The following TRIM66 variants were observed in gnomAD, a reference collection of about 807,000 sequenced individuals.
TRIM66 encodes the protein tripartite motif-containing protein 66.
In TRIM66, 99 loss-of-function variants were observed where a neutral mutation model predicts 148.2. The ratio of observed to expected loss-of-function variants is 0.67; its 90% confidence interval spans 0.57 to 0.79. The LOEUF (loss-of-function observed/expected upper bound fraction) is 0.79, where lower values mean the gene tolerates loss of function less well. Ranked by LOEUF, TRIM66 falls within the 30% of genes least tolerant of loss-of-function variation. The pLI is 0.00. For synonymous variants in TRIM66, 616 were observed against 635.9 expected, an observed-to-expected ratio of 0.97 and a Z score of 0.47; for missense variants, 1,666 against 1,697.9, an observed-to-expected ratio of 0.98 and a Z score of 0.33.
chr11:8,638,288 C>T (rs1277690677), intron 15 of TRIM66, among the ~76,000 whole-genome samples: 1 of 152,232 alleles, frequency 6.6e-6, no homozygotes, highest in African/African-American at 2.4e-5. Flanking sequence ...GTTTCCTTAG[C>T]TGTACAATGG....
chr11:8,620,128 CA>C lies in TRIM66; in HGVS notation c.3673-5del. The C allele has an allele frequency of 6.4e-7, 1 of 1,551,578 alleles. No homozygotes were observed. On this transcript the variant is annotated splice_region_variant and splice_polypyrimidine_tract_variant and intron_variant, in intron 21 of 24. Coordinates refer to ENST00000646038, the MANE Select transcript of TRIM66 (RefSeq NM_001388022.1). Reference sequence around the variant, plus strand: ...ACAATACCAGCTTCTCACACTTCTGCAAAATCAGAATTGGCAACAGAGTCAC... The same window carrying C: ...ACAATACCAGCTTCTCACACTTCTGCAAATCAGAATTGGCAACAGAGTCAC...
chr11:8,623,444 A>C (rs2034501305), intron 17 of TRIM66, among the ~76,000 whole-genome samples: 1 of 152,270 alleles, frequency 6.6e-6, no homozygotes, highest in African/African-American at 2.4e-5. Context: ...GCAGGGTCTA[A>C]AAAGTTTAAC....
intron 14 of TRIM66, 97 bp from the exon 15 acceptor site, chr11:8,638,912 A>C (rs1165339627): frequency 7.8e-7 from 1 of 1,290,214 alleles, no homozygotes; most frequent in African/African-American, 1.5e-5. Context: ...TGCCATGTGC[A>C]TCATCACCAC....
chr11:8,625,231 G>A lies in TRIM66; in HGVS notation c.2311-3C>T, dbSNP rs1416924579. The A allele has an allele frequency of 6.7e-7, 1 of 1,492,112 alleles. No individual in the cohort carries two copies. Among genetic ancestry groups the A allele is most frequent in the East Asian group, 2.5e-5 (1 of 40,354 alleles). The allele number at this position is 1,492,112 out of a possible 1,614,324, so 92.4% of individuals were successfully genotyped here. On this transcript the variant is annotated splice_polypyrimidine_tract_variant and splice_region_variant and intron_variant, in intron 15 of 24. Coordinates refer to ENST00000646038, the MANE Select transcript of TRIM66 (RefSeq NM_001388022.1). Reference sequence around the variant, plus strand: ...ATGATGCTCAGCGAGGTGGAGTGCTGCAGGAACAGAGACAAGGGGTAGAGT... The same window carrying A: ...ATGATGCTCAGCGAGGTGGAGTGCTACAGGAACAGAGACAAGGGGTAGAGT...
chr11:8,661,212 C>G (rs1450394919), intron 6 of TRIM66, among the ~76,000 whole-genome samples: 1 of 152,218 alleles, frequency 6.6e-6, no homozygotes, highest in East Asian at 1.9e-4. Flanking sequence ...AGCCAGACAG[C>G]CGGCCTGAGC....
chr11:8,630,270 C>T (rs1215208854), intron 15 of TRIM66, among the ~76,000 whole-genome samples: 1 of 152,044 alleles, frequency 6.6e-6, no homozygotes, highest in African/African-American at 2.4e-5. Flanking sequence ...TTGGTGCCAC[C>T]CATGCAGAAG....
At chr11:8,682,709 G>T (rs1421718879), upstream of TRIM66, 1 of 1,420,976 alleles carries the variant, frequency 7.0e-7, no homozygotes, top group African/African-American at 1.4e-5. Flanking sequence ...GGCCCCGCCC[G>T]AAGCCCGGCC....
chr11:8,674,571 G>C (rs901476853), intron 4 of TRIM66, among the ~76,000 whole-genome samples: 1 of 151,924 alleles, frequency 6.6e-6, no homozygotes. Flanking sequence ...TATTTTTGTA[G>C]AGACCAGGTC....
At chr11:8,620,716 G>A (rs2141825806) in intron 20 of TRIM66, 144 bp from the exon 21 acceptor site, 5 of 1,364,042 alleles carry the variant, frequency 3.7e-6, no homozygotes, top group Non-Finnish European at 4.9e-6. Context: ...AGGCTTGGAA[G>A]AAATTCAATA....
Position 8,672,287 on chromosome 11 carries a change from A to T in TRIM66, c.-13T>A. Reference sequence around the variant, plus strand: ...AGAGTCTAGCCATCTCTGCCGTGGAAAACAAAGCGTGGAGGTGTCTGCTGT... The same window carrying T: ...AGAGTCTAGCCATCTCTGCCGTGGATAACAAAGCGTGGAGGTGTCTGCTGT... On this transcript the variant is annotated 5_prime_UTR_variant, in exon 5 of 25. Transcript: ENST00000646038. 6.5e-7 allele frequency: 1 copy of T among 1,536,148 alleles called. No homozygotes were observed. Among genetic ancestry groups the T allele is most frequent in the Non-Finnish European group, 8.7e-7 (1 of 1,146,910 alleles).
intron 9 of TRIM66, 84 bp from the exon 10 acceptor site, chr11:8,648,170 C>T (rs2037036356): frequency 7.8e-7 from 1 of 1,277,846 alleles, no homozygotes; most frequent in East Asian, 2.5e-5. Flanking sequence ...CCACAGGGAA[C>T]TGTCTCAGCC....
rs908736425 is a variant in TRIM66, at chr11:8,624,923, G to A, written c.2616C>T (p.Ser872=). 5 of 1,551,530 alleles carry A rather than the reference G, an allele frequency of 3.2e-6. No homozygotes were observed. In the African/African-American group the frequency reaches 5.5e-5, roughly 17 times the overall value. Residue 872 remains serine, a synonymous_variant, in exon 16 of 25, where the codon AGC becomes AGT. Transcript: ENST00000646038. The part of the protein sequence containing the change: ...LISDSPQAMA[S]LASDHPQAGP... ...CAGCCTGAGGGTGATCACTTGCCAG[G>A]CTTGCCATAGCCTGAGGGGAGTCAC...
intron 15 of TRIM66, among the ~76,000 whole-genome samples, chr11:8,626,833 C>T (rs1330976999): frequency 6.6e-6 from 1 of 152,144 alleles, no homozygotes; most frequent in Non-Finnish European, 1.5e-5. Flanking sequence ...TTCAATAACC[C>T]TCTCCTCATT....
At chr11:8,645,067 G>T (rs2036731402) in intron 12 of TRIM66, among the ~76,000 whole-genome samples, 1 of 152,032 alleles carries the variant, frequency 6.6e-6, no homozygotes, top group South Asian at 2.1e-4. Flanking sequence ...GTATTCCCTG[G>T]GTTCCTGACT....
In TRIM66 at chr11:8,651,838, G is replaced by GA. The variant is rs757931561; in HGVS notation, c.405dup (p.Leu136SerfsTer7). On this transcript the variant is annotated frameshift_variant, in exon 7 of 25. Transcript: ENST00000646038. LOFTEE classifies it high-confidence loss of function. Reference sequence around the variant, plus strand: ...GGTTGCTCAGTAGGAACACAATGCAGAAAAAAATGTTCAGTTACATCCCTG... The same window carrying GA: ...GGTTGCTCAGTAGGAACACAATGCAGAAAAAAAATGTTCAGTTACATCCCTG... 13 of 1,551,638 alleles carry GA rather than the reference G, an allele frequency of 8.4e-6. No homozygotes were observed. In the South Asian group the frequency reaches 1.1e-4, roughly 13 times the overall value.
chr11:8,647,867 C>T (rs1040182369), intron 10 of TRIM66, 103 bp downstream of exon 10: 1 of 891,722 alleles, frequency 1.1e-6, no homozygotes, highest in South Asian at 1.5e-5. Flanking sequence ...TGCTTAACCA[C>T]AGTTCCTCTT....
At chr11:8,673,815 C>G in intron 4 of TRIM66, among the ~76,000 whole-genome samples, 1 of 152,060 alleles carries the variant, frequency 6.6e-6, no homozygotes, top group South Asian at 2.1e-4. Context: ...ATTTAAGAAA[C>G]AAAATACAAA....
chr11:8,682,791 C>T (rs199764465), upstream of TRIM66: 608 of 1,613,526 alleles, frequency 3.8e-4, 9 homozygotes, highest in South Asian at 3.2e-3. Context: ...CGAAGGCCTT[C>T]CTTTTTCGTC....
chr11:8,645,927 T>C (rs1466691689), intron 11 of TRIM66, 40 bp from the exon 12 acceptor site: 1 of 1,542,886 alleles, frequency 6.5e-7, no homozygotes, highest in Admixed American at 2.0e-5. Context: ...ATCCTGTTAC[T>C]GGACTGTAAT....
Sources: allele counts gnomAD v4.1 joint callset (sites outside exome capture counted in the v4.1 genomes callset), GRCh38; gene constraint gnomAD v4.1.1; transcripts MANE v1.5; gene names NCBI Gene and HGNC (gene_info 2026-07-23, HGNC 2026-07-21).